The following ITGA9 variants were observed in gnomAD, a reference collection of about 807,000 sequenced individuals.
ITGA9 encodes the protein integrin subunit alpha 9.
Under a neutral mutation model 127.8 loss-of-function variants are expected in ITGA9, and 56 were observed. That is an observed-to-expected ratio of 0.44 (90% CI 0.35 to 0.55). ITGA9 has a LOEUF of 0.55. Ranked by LOEUF, ITGA9 falls within the 20% of genes least tolerant of loss-of-function variation. The probability of loss-of-function intolerance (pLI) is 0.00; values close to 1 mark genes in which losing one functional copy is unlikely to be tolerated. For synonymous variants in ITGA9, 508 were observed against 514.5 expected, an observed-to-expected ratio of 0.99 and a Z score of 0.17; for missense variants, 1,196 against 1,347.1, an observed-to-expected ratio of 0.89 and a Z score of 1.76.
At chr3:37,722,573 G>T (rs751163769) in intron 18 of ITGA9, among the ~76,000 whole-genome samples, 1 of 152,196 alleles carries the variant, frequency 6.6e-6, no homozygotes, top group Non-Finnish European at 1.5e-5. Flanking sequence ...ATGAAATGGA[G>T]CCAGTCCTTT....
chr3:37,752,225 AC>A (rs1228473667), intron 23 of ITGA9, among the ~76,000 whole-genome samples: 1 of 152,180 alleles, frequency 6.6e-6, no homozygotes, highest in Non-Finnish European at 1.5e-5. Context: ...AGAGCTCATG[AC>A]GGTTTCCACT....
At chr3:37,564,976 C>T (rs533250591) in intron 15 of ITGA9, among the ~76,000 whole-genome samples, 1 of 152,336 alleles carries the variant, frequency 6.6e-6, no homozygotes, top group East Asian at 1.9e-4. Flanking sequence ...TGATCTTGGG[C>T]TTCTGAAGTC....
intron 15 of ITGA9, among the ~76,000 whole-genome samples, chr3:37,558,206 C>T (rs1699449636): frequency 6.6e-6 from 1 of 152,162 alleles, no homozygotes; most frequent in South Asian, 2.1e-4. Flanking sequence ...TTTGATCTTC[C>T]CTGCCTGTCT....
intron 5 of ITGA9, among the ~76,000 whole-genome samples, chr3:37,498,051 C>G (rs1231726649): frequency 6.6e-6 from 1 of 152,124 alleles, no homozygotes; most frequent in Non-Finnish European, 1.5e-5. Context: ...GGCCAGGGAG[C>G]TGTGGGGTAG....
chr3:37,711,333 A>G (rs1336494119), intron 18 of ITGA9, among the ~76,000 whole-genome samples: 2 of 152,156 alleles, frequency 1.3e-5, no homozygotes, highest in Non-Finnish European at 2.9e-5. Context: ...CCCCAATGAA[A>G]CCATCCAGGA....
chr3:37,606,051 T>G (rs1699966295), intron 15 of ITGA9, among the ~76,000 whole-genome samples: 2 of 152,202 alleles, frequency 1.3e-5, no homozygotes, highest in Non-Finnish European at 2.9e-5. Context: ...TCAGTGGTGC[T>G]CGCTAGTCCG....
intron 15 of ITGA9, among the ~76,000 whole-genome samples, chr3:37,559,386 AG>A (rs1301840352): frequency 6.6e-6 from 1 of 152,196 alleles, no homozygotes; most frequent in Non-Finnish European, 1.5e-5. Flanking sequence ...GTGAAAGGGC[AG>A]GGGTCAGATA....
chr3:37,780,090 G>A, intron 25 of ITGA9, 69 bp downstream of exon 25: 4 of 1,587,174 alleles, frequency 2.5e-6, no homozygotes, highest in Non-Finnish European at 3.4e-6. Flanking sequence ...CTGATTTTGG[G>A]TAAAAAAAAG....
At chr3:37,764,657 C>A (rs1340011427) in intron 23 of ITGA9, among the ~76,000 whole-genome samples, 8 of 152,052 alleles carry the variant, frequency 5.3e-5, no homozygotes, top group Non-Finnish European at 1.2e-4. Context: ...TTCCCTGGGC[C>A]CCCTGCCCTT....
At chr3:37,687,028 C>T (rs939309741) in intron 18 of ITGA9, among the ~76,000 whole-genome samples, 3 of 152,044 alleles carry the variant, frequency 2.0e-5, no homozygotes, top group Non-Finnish European at 4.4e-5. Flanking sequence ...CTAAGAAAAG[C>T]ATGACTAAGA....
chr3:37,669,142 G>A (rs905588270), intron 17 of ITGA9, among the ~76,000 whole-genome samples: 3 of 152,174 alleles, frequency 2.0e-5, no homozygotes, highest in East Asian at 1.9e-4. Context: ...CAAAAATGAC[G>A]AGGCTGGGTG....
chr3:37,754,761 A>G (rs1177219625), intron 23 of ITGA9, among the ~76,000 whole-genome samples: 1 of 152,140 alleles, frequency 6.6e-6, no homozygotes, highest in African/African-American at 2.4e-5. Flanking sequence ...AAACTGTAAA[A>G]TCTTCCCTCC....
At chr3:37,691,676 G>A (rs534812438) in intron 18 of ITGA9, among the ~76,000 whole-genome samples, 5 of 152,240 alleles carry the variant, frequency 3.3e-5, no homozygotes, top group East Asian at 1.9e-4. Context: ...GTTCTAGTCC[G>A]GATCTGCATT....
intron 18 of ITGA9, among the ~76,000 whole-genome samples, chr3:37,718,212 C>T (rs1398107061): frequency 6.6e-6 from 1 of 152,358 alleles, no homozygotes; most frequent in Non-Finnish European, 1.5e-5. Context: ...GTGTCTCACA[C>T]ATGAGAATTA....
At chr3:37,670,945 T>C (rs189741079) in intron 17 of ITGA9, among the ~76,000 whole-genome samples, 1 of 152,386 alleles carries the variant, frequency 6.6e-6, no homozygotes, top group East Asian at 1.9e-4. Flanking sequence ...TTTCTTGAGC[T>C]GTCTGCCCCG....
At chr3:37,761,282 A>G (rs1696720366) in intron 23 of ITGA9, among the ~76,000 whole-genome samples, 1 of 152,212 alleles carries the variant, frequency 6.6e-6, no homozygotes. Flanking sequence ...ATGAAAGGCA[A>G]TTTGACAATA....
intron 15 of ITGA9, among the ~76,000 whole-genome samples, chr3:37,594,191 G>A (rs909581598): frequency 2.0e-5 from 3 of 152,212 alleles, no homozygotes; most frequent in Non-Finnish European, 2.9e-5. Flanking sequence ...GGCTTTTCAC[G>A]TGGGGGTTGT....
chr3:37,657,655 A>ATT (rs529801285), intron 17 of ITGA9, among the ~76,000 whole-genome samples: 1 of 139,596 alleles, frequency 7.2e-6, no homozygotes, highest in African/African-American at 2.6e-5. Context: ...GGATTTGTTT[A>ATT]TTTTTTTTTT....
chr3:37,567,438 C>T (rs1218854094), intron 15 of ITGA9, among the ~76,000 whole-genome samples: 1 of 152,142 alleles, frequency 6.6e-6, no homozygotes, highest in Non-Finnish European at 1.5e-5. Flanking sequence ...CCGGCCCCTT[C>T]CAAATATCAT....
Sources: gnomAD v4.1 joint callset for allele counts (sites outside exome capture counted in the v4.1 genomes callset) on GRCh38, gnomAD v4.1.1 for gene constraint, MANE v1.5 for transcripts, NCBI Gene and HGNC (gene_info 2026-07-23, HGNC 2026-07-21) for gene names.